OR2T10: variants seen among roughly 807,000 people sequenced by gnomAD.
The protein encoded by OR2T10 is olfactory receptor 2T10.
For missense variants in OR2T10, 335 were observed against 382.5 expected (o/e 0.88, Z 1.04); for synonymous variants, 125 against 141.8 (o/e 0.88, Z 0.84).
Position 248,595,204 on chromosome 1 carries a change from C to T in OR2T10, c.-28-1408G>A, listed in dbSNP as rs781690123. 1.3e-4 allele frequency among the ~76,000 whole-genome samples: 19 copies of T among 142,840 alleles called. 2 individuals are homozygous for T. Among genetic ancestry groups the T allele is most frequent in the Non-Finnish European group, 1.7e-4 (11 of 66,126 alleles). The allele number at this position is 142,840 out of a possible 152,430, so 93.7% of individuals were successfully genotyped here. ...ATTCTGTGATTTACATATGGATGCT[C>T]ATTATTATTATTCTCTACTTAAAGA... is the stretch of plus-strand genomic sequence containing the variant. On this transcript the variant is annotated intron_variant, in intron 1 of 1. Coordinates refer to ENST00000642090, the MANE Select transcript of OR2T10 (RefSeq NM_001004693.2).
rs139610389 is a variant in OR2T10 at position 248,596,333 on chromosome 1, A to T, written c.-29+1159T>A. On this transcript the variant is annotated intron_variant, in intron 1 of 1. Coordinates refer to ENST00000642090, the MANE Select transcript of OR2T10 (RefSeq NM_001004693.2). ...GTCAGAGCTAATTAACTCTAGGTCT[A>T]TGTAAGGAGGCCCCTTCCCAAGTTG... Among the ~76,000 whole-genome samples the T allele has an allele frequency of 5.0e-3, 714 of 143,394 alleles. 145 individuals are homozygous for T. Among genetic ancestry groups the T allele is most frequent in the African/African-American group, 0.019 (677 of 36,476 alleles). The allele number at this position is 143,394 out of a possible 152,430, so 94.1% of individuals were successfully genotyped here. A position where few individuals can be genotyped will look rare whatever the true frequency, so the allele number is the denominator to read the frequency against.
chr1:248,592,982 TGGGGA>T lies in OR2T10; in HGVS notation c.782_786del (p.Leu261GlnfsTer7). 1 of 1,572,254 alleles carries T rather than the reference TGGGGA, an allele frequency of 6.4e-7. No individual in the cohort carries two copies. Among genetic ancestry groups the T allele is most frequent in the Non-Finnish European group, 8.6e-7 (1 of 1,156,132 alleles). On this transcript the variant is annotated frameshift_variant, in exon 2 of 2. Coordinates refer to ENST00000642090, the MANE Select transcript of OR2T10 (RefSeq NM_001004693.2). LOFTEE classifies it low-confidence loss of function (END_TRUNC). ...TCTTTCTCAGGAGTTTGGTAGGAGC[TGGGGA>T]GCATGTAGTTGTAAATAGCAGCTCC...
chr1:248,595,940 G>A (rs1378419742), intron 1 of OR2T10, among the ~76,000 whole-genome samples: 2 of 143,128 alleles, frequency 1.4e-5, no homozygotes, highest in African/African-American at 2.8e-5. Context: ...CAGGTAAACC[G>A]TTTCAGAAAT....
In OR2T10 at chr1:248,595,506, T is replaced by C. The variant is rs1358907961; in HGVS notation, c.-28-1710A>G. Among the ~76,000 whole-genome samples, 4 of 143,440 alleles carry C rather than the reference T, an allele frequency of 2.8e-5. 1 individual carries two copies. The highest frequency in any genetic ancestry group is 6.0e-5 in the Non-Finnish European group (4 of 66,314). The allele number at this position is 143,440 out of a possible 152,430, so 94.1% of individuals were successfully genotyped here. A position where few individuals can be genotyped will look rare whatever the true frequency, so the allele number is the denominator to read the frequency against. Reference sequence around the variant, plus strand: ...CTAAACTCGTGGGTTTTCATTTTGTTTTAGAAATACTTAGCAAAGGACACA... The same window carrying C: ...CTAAACTCGTGGGTTTTCATTTTGTCTTAGAAATACTTAGCAAAGGACACA... On this transcript the variant is annotated intron_variant, in intron 1 of 1. Coordinates refer to ENST00000642090, the MANE Select transcript of OR2T10 (RefSeq NM_001004693.2).
intron 1 of OR2T10, 33 bp from the exon 2 acceptor site, chr1:248,593,829 A>G: frequency 1.2e-6 from 1 of 847,970 alleles, no homozygotes; most frequent in Non-Finnish European, 1.9e-6. Context: ...ATTTATAATC[A>G]TGTGTGTACC....
In OR2T10 at chr1:248,592,752, G is replaced by T; in HGVS notation, c.*78C>A. 1 of 870,736 alleles carries T rather than the reference G, an allele frequency of 1.1e-6. No individual in the cohort carries two copies. The highest frequency in any genetic ancestry group is 1.8e-6 in the Non-Finnish European group (1 of 567,388). 53.9% of individuals were successfully genotyped at this position (870,736 alleles called of 1,614,324 possible). A position where few individuals can be genotyped will look rare whatever the true frequency, so the allele number is the denominator to read the frequency against. On this transcript the variant is annotated 3_prime_UTR_variant, in exon 2 of 2. Transcript: ENST00000642090. ...AGGGAGTCAGACACTACCACAATAT[G>T]CTGATTGTTTGGTGGAAGGACACCT...
Position 248,592,924 on chromosome 1 carries a change from G to T in OR2T10, c.845C>A (p.Thr282Lys). ...MMSSFFYTIL[T>K]PVLNPIIYSF... ...GTAAATGATAGGATTCAAGACAGGT[G>T]TAAGGATAGTGTAGAAAAAGGATGA... Residue 282 changes from threonine (T) to lysine (K), a missense_variant, in exon 2 of 2, where the codon ACA becomes AAA. Transcript: ENST00000642090. 1 of 1,565,716 alleles carries T rather than the reference G, an allele frequency of 6.4e-7. No individual in the cohort carries two copies.
At chr1:248,594,806 C>G (rs1176289129) in intron 1 of OR2T10, 1 of 143,534 alleles carries the variant, frequency 7.0e-6, no homozygotes, top group Non-Finnish European at 1.5e-5. Flanking sequence ...GAAAGTTTGC[C>G]TCAATTTATA....
intron 1 of OR2T10, among the ~76,000 whole-genome samples, chr1:248,595,584 TAA>T (rs1660079243): frequency 7.0e-6 from 1 of 143,234 alleles, no homozygotes; most frequent in Non-Finnish European, 1.5e-5. Flanking sequence ...TTTCTTATGT[TAA>T]GAGACTTAAA....
At position 248,592,665 on chromosome 1, in the gene OR2T10, TC is replaced by T; in HGVS notation, c.*164del. On this transcript the variant is annotated 3_prime_UTR_variant, in exon 2 of 2. Coordinates refer to ENST00000642090, the MANE Select transcript of OR2T10 (RefSeq NM_001004693.2). ...GAGGGAAGGGGGGGATAAGTGAACA[TC>T]ATCTCAAGTGTGATTATAGGAGGGA... is the stretch of plus-strand genomic sequence containing the variant. 2.0e-6 allele frequency: 1 copy of T among 493,646 alleles called. No homozygotes were observed. Among genetic ancestry groups the T allele is most frequent in the East Asian group, 3.3e-5 (1 of 30,722 alleles). 30.6% of individuals were successfully genotyped at this position (493,646 alleles called of 1,614,324 possible).
rs1326228269 is a variant in OR2T10, at chr1:248,593,051, T to A, written c.718A>T (p.Thr240Ser). ...ACCACTGTAATGTGGGAGGAGCAGG[T>A]GGTGAAGGCCTTTTTCCGACCCTCA... Reference protein sequence around the residue: ...SVEGRKKAFTTCSSHITVVSL... With the variant: ...SVEGRKKAFTSCSSHITVVSL... The change falls in exon 2 of 2, where the codon ACC (threonine) becomes TCC (serine). Residue 240 changes from threonine to serine, a missense_variant. Physicochemically the swap from Thr to Ser is moderately conservative, Grantham distance 58. Coordinates refer to ENST00000642090, the MANE Select transcript of OR2T10 (RefSeq NM_001004693.2). 3 of 1,571,664 alleles carry A rather than the reference T, an allele frequency of 1.9e-6. 1 individual carries two copies. The highest frequency in any genetic ancestry group is 2.6e-6 in the Non-Finnish European group (3 of 1,155,812).
Position 248,593,396 on chromosome 1 carries a change from CCA to C in OR2T10, c.371_372del (p.Val124GlyfsTer15). 2 of 1,572,470 alleles carry C rather than the reference CCA, an allele frequency of 1.3e-6. No homozygotes were observed. Among genetic ancestry groups the C allele is most frequent in the Non-Finnish European group, 1.7e-6 (2 of 1,156,846 alleles). On this transcript the variant is annotated frameshift_variant, in exon 2 of 2. Coordinates refer to ENST00000642090, the MANE Select transcript of OR2T10 (RefSeq NM_001004693.2). LOFTEE classifies it low-confidence loss of function (END_TRUNC). ...GAGTAACGGAGAGGATGGCAGATAGCCACATAGCGGTCATAGGCCATGGCGGC... is the reference window on the plus strand; with the variant it reads ...GAGTAACGGAGAGGATGGCAGATAGCCATAGCGGTCATAGGCCATGGCGGC... The part of the protein sequence containing the change: ...LLAAMAYDRY[V>X]AICHPLRYSV...
chr1:248,597,535 C>A lies in OR2T10; in HGVS notation c.-72G>T, dbSNP rs981549768. ...GTAATACCCTGAGGAATTTTATTTC[C>A]AATAAGATACTTCCAGTATAGTCGT... On this transcript the variant is annotated 5_prime_UTR_variant, in exon 1 of 2. Coordinates refer to ENST00000642090, the MANE Select transcript of OR2T10 (RefSeq NM_001004693.2). The A allele has an allele frequency of 5.6e-5, 8 of 142,808 alleles. 1 individual carries two copies. Among genetic ancestry groups the A allele is most frequent in the South Asian group, 2.2e-4 (1 of 4,574 alleles). The allele number at this position is 142,808 out of a possible 1,614,324, so 8.8% of individuals were successfully genotyped here. A position where few individuals can be genotyped will look rare whatever the true frequency, so the allele number is the denominator to read the frequency against.
Position 248,595,241 on chromosome 1 carries a change from C to T in OR2T10, c.-28-1445G>A, listed in dbSNP as rs2103089143. ...TCTCTACTTAAAGAAAATGCATATC[C>T]TTTATAAAATGAATAGTTTTAGATA... On this transcript the variant is annotated intron_variant, in intron 1 of 1. Transcript: ENST00000642090. 1.4e-5 allele frequency among the ~76,000 whole-genome samples: 2 copies of T among 143,060 alleles called. 1 individual carries two copies. Among genetic ancestry groups the T allele is most frequent in the South Asian group, 4.4e-4 (2 of 4,554 alleles). 93.9% of individuals were successfully genotyped at this position (143,060 alleles called of 152,430 possible).
intron 1 of OR2T10, among the ~76,000 whole-genome samples, chr1:248,594,470 A>T (rs1660062458): frequency 6.9e-6 from 1 of 143,934 alleles, no homozygotes; most frequent in African/African-American, 2.7e-5. Flanking sequence ...GTATTTTTAT[A>T]CTTCCACTTA....
In OR2T10 at chr1:248,595,138, A is replaced by G. The variant is rs1660072329; in HGVS notation, c.-28-1342T>C. Reference sequence around the variant, plus strand: ...TTTTGGGGGGTCAGTGGTGCTGGTCAGCCCTTTCCCGTTGATAGCACTATC... The same window carrying G: ...TTTTGGGGGGTCAGTGGTGCTGGTCGGCCCTTTCCCGTTGATAGCACTATC... On this transcript the variant is annotated intron_variant, in intron 1 of 1. Coordinates refer to ENST00000642090, the MANE Select transcript of OR2T10 (RefSeq NM_001004693.2). 3 of 143,210 alleles carry G rather than the reference A, an allele frequency of 2.1e-5. 1 individual carries two copies. Among genetic ancestry groups the G allele is most frequent in the Admixed American group, 1.4e-4 (2 of 14,734 alleles). 8.9% of individuals were successfully genotyped at this position (143,210 alleles called of 1,614,324 possible). A position where few individuals can be genotyped will look rare whatever the true frequency, so the allele number is the denominator to read the frequency against.
In OR2T10 at chr1:248,592,571, A is replaced by C. The variant is rs1660026620; in HGVS notation, c.*259T>G. On this transcript the variant is annotated 3_prime_UTR_variant, in exon 2 of 2. Coordinates refer to ENST00000642090, the MANE Select transcript of OR2T10 (RefSeq NM_001004693.2). ...AAGGGTCATAAACACATTTATTTTC[A>C]TATTTCTCCACTGTAATCTAAAAAA... 3.1e-6 allele frequency: 1 copy of C among 323,244 alleles called. No individual in the cohort carries two copies. The allele number at this position is 323,244 out of a possible 1,614,324, so 20.0% of individuals were successfully genotyped here.
At chr1:248,594,631 G>A (rs1388021137) in intron 1 of OR2T10, among the ~76,000 whole-genome samples, 2 of 143,118 alleles carry the variant, frequency 1.4e-5, no homozygotes, top group Admixed American at 6.8e-5. Flanking sequence ...TTAGGAATCA[G>A]CATTATCATC....
rs1403318276 is a variant in OR2T10, at chr1:248,590,707, A to G, written c.*2123T>C. Reference sequence around the variant, plus strand: ...TCTTTTAGAAATATAAAAATCTATCATTTTTTCATTTTATAAACTTGTTTT... The same window carrying G: ...TCTTTTAGAAATATAAAAATCTATCGTTTTTTCATTTTATAAACTTGTTTT... On this transcript the variant is annotated 3_prime_UTR_variant, in exon 2 of 2. Transcript: ENST00000642090. 8 of 142,260 alleles carry G rather than the reference A, an allele frequency of 5.6e-5. 2 individuals carry two copies. The highest frequency in any genetic ancestry group is 2.2e-4 in the African/African-American group (8 of 35,992). 8.8% of individuals were successfully genotyped at this position (142,260 alleles called of 1,614,324 possible).
Sources: allele counts gnomAD v4.1 joint callset (sites outside exome capture counted in the v4.1 genomes callset), GRCh38; gene constraint gnomAD v4.1.1; transcripts MANE v1.5; gene names NCBI Gene and HGNC (gene_info 2026-07-23, HGNC 2026-07-21).